EPRS1: variants seen among roughly 807,000 people sequenced by gnomAD.
The protein encoded by EPRS1 is bifunctional glutamate/proline--tRNA ligase.
A neutral mutation model predicts 188.3 loss-of-function variants in EPRS1; 107 were observed. That is an observed-to-expected ratio of 0.57 (90% CI 0.49 to 0.67). The LOEUF (loss-of-function observed/expected upper bound fraction) is 0.67, where lower values mean the gene tolerates loss of function less well. Ranked by LOEUF, EPRS1 falls within the 30% of genes least tolerant of loss-of-function variation. The pLI is 0.00. For missense variants in EPRS1, 1,577 were observed against 1,802.2 expected (o/e 0.88, Z 2.26); for synonymous variants, 596 against 593.1 (o/e 1.00, Z -0.07).
intron 26 of EPRS1, among the ~76,000 whole-genome samples, 178 bp downstream of exon 26, chr1:219,979,907 T>C (rs1309512702): frequency 6.6e-6 from 1 of 152,202 alleles, no homozygotes; most frequent in Non-Finnish European, 1.5e-5. Flanking sequence ...ATACATACTA[T>C]GACTTAACGA....
intron 28 of EPRS1, among the ~76,000 whole-genome samples, chr1:219,976,998 C>T (rs945427473): frequency 1.3e-5 from 2 of 152,134 alleles, no homozygotes; most frequent in Non-Finnish European, 2.9e-5. Flanking sequence ...AGAAGAATTA[C>T]AGGAGTTGCT....
At chr1:220,032,080 T>C (rs1324123413) in intron 5 of EPRS1, among the ~76,000 whole-genome samples, 2 of 151,090 alleles carry the variant, frequency 1.3e-5, no homozygotes, top group Admixed American at 6.6e-5. Context: ...TGAAATGTCA[T>C]CTTTTTTTTT....
chr1:219,980,983 T>G, intron 24 of EPRS1, 126 bp from the exon 25 acceptor site: 3 of 621,080 alleles, frequency 4.8e-6, no homozygotes, highest in Non-Finnish European at 8.7e-6. Flanking sequence ...CACTGAAACC[T>G]CTGCCTCCCA....
At chr1:220,043,163 T>C (rs1485148063) in intron 1 of EPRS1, among the ~76,000 whole-genome samples, 1 of 152,074 alleles carries the variant, frequency 6.6e-6, no homozygotes. Flanking sequence ...GAGAGGACTT[T>C]CTGAAGTAAT....
chr1:220,030,854 G>A (rs1302416821), intron 5 of EPRS1, among the ~76,000 whole-genome samples: 1 of 152,158 alleles, frequency 6.6e-6, no homozygotes, highest in Admixed American at 6.5e-5. Context: ...CACTTTGGGA[G>A]GCCGAGGATG....
intron 18 of EPRS1, among the ~76,000 whole-genome samples, chr1:219,993,716 G>C (rs1003548832): frequency 6.6e-6 from 1 of 152,198 alleles, no homozygotes; most frequent in African/African-American, 2.4e-5. Context: ...TGATAAGCTA[G>C]TAAAACTATA....
chr1:219,978,259 T>C, intron 28 of EPRS1, among the ~76,000 whole-genome samples: 1 of 152,172 alleles, frequency 6.6e-6, no homozygotes. Flanking sequence ...GCATAAACAT[T>C]TTAGTATACT....
At position 220,028,019 on chromosome 1, in the gene EPRS1, T is replaced by C. The variant is rs1000050882; in HGVS notation, c.623+2367A>G. Among the ~76,000 whole-genome samples the C allele has an allele frequency of 2.0e-5, 3 of 152,100 alleles. No individual in the cohort carries two copies. The East Asian group carries it at 5.8e-4, about 29-fold the overall frequency. On this transcript the variant is annotated intron_variant, in intron 6 of 31. Transcript: ENST00000366923. ...AAATGTACCATAATAATGTAAAATG[T>C]TAATGTTAGGAAAAACTGGGTGCAG...
At chr1:220,022,270 G>C in intron 9 of EPRS1, 77 bp downstream of exon 9, 5 of 1,274,540 alleles carry the variant, frequency 3.9e-6, no homozygotes, top group Non-Finnish European at 5.5e-6. Flanking sequence ...TGACTATTTT[G>C]CTTGTACTCC....
At chr1:220,017,795 TA>T (rs879843325) in intron 12 of EPRS1, among the ~76,000 whole-genome samples, 305 of 141,720 alleles carry the variant, frequency 2.2e-3, no homozygotes, top group African/African-American at 3.3e-3. Context: ...AAGAAACAGT[TA>T]AAAAAAAAAA....
chr1:220,026,972 G>A (rs1301698669), intron 6 of EPRS1, among the ~76,000 whole-genome samples: 2 of 152,030 alleles, frequency 1.3e-5, no homozygotes, highest in Non-Finnish European at 2.9e-5. Flanking sequence ...AAAGTCATTA[G>A]CATCCCAGAT....
intron 1 of EPRS1, among the ~76,000 whole-genome samples, chr1:220,042,694 G>T (rs1662319427): frequency 6.6e-6 from 1 of 151,924 alleles, no homozygotes; most frequent in Admixed American, 6.6e-5. Context: ...GGCTGAGGGG[G>T]GCGGATCATG....
intron 1 of EPRS1, among the ~76,000 whole-genome samples, chr1:220,044,763 C>T (rs554043619): frequency 6.7e-6 from 1 of 148,854 alleles, no homozygotes; most frequent in African/African-American, 2.5e-5. Context: ...GCAACCAATC[C>T]TATCTGGAAG....
intron 17 of EPRS1, among the ~76,000 whole-genome samples, chr1:219,998,792 C>T (rs562100740): frequency 3.6e-4 from 54 of 152,006 alleles, no homozygotes; most frequent in African/African-American, 8.4e-4. Context: ...CTGTCCACCT[C>T]GGCCTCCCAA....
At chr1:219,984,963 G>C (rs182347579) in intron 20 of EPRS1, among the ~76,000 whole-genome samples, 5 of 151,150 alleles carry the variant, frequency 3.3e-5, no homozygotes, top group African/African-American at 4.9e-5. Flanking sequence ...TGAATCGCTT[G>C]AACCTGGGAG....
At chr1:220,015,193 AG>A (rs1661678152) in intron 12 of EPRS1, among the ~76,000 whole-genome samples, 1 of 152,180 alleles carries the variant, frequency 6.6e-6, no homozygotes, top group African/African-American at 2.4e-5. Flanking sequence ...AGCCGGGCAC[AG>A]TGGCACACAC....
chr1:219,998,683 C>T (rs2102575215), intron 17 of EPRS1, among the ~76,000 whole-genome samples: 1 of 151,720 alleles, frequency 6.6e-6, no homozygotes, highest in Admixed American at 6.6e-5. Context: ...GCTGGGATTA[C>T]AGGCCTGCAC....
rs771704203 is a variant in EPRS1, at chr1:219,988,830, T to C, written c.2542-7A>G. The C allele has an allele frequency of 8.4e-6, 13 of 1,540,104 alleles. No individual in the cohort carries two copies. The highest frequency in any genetic ancestry group is 2.6e-6 in the Non-Finnish European group (3 of 1,133,152). On this transcript the variant is annotated splice_region_variant and splice_polypyrimidine_tract_variant and intron_variant, in intron 18 of 31. Transcript: ENST00000366923. ...CAGCTTCATTTATTTTAGCCTAAAA[T>C]AAAAGAGAGAAAGAGATATTTATAA...
Position 219,988,735 on chromosome 1 carries a change from G to T in EPRS1, c.2630C>A (p.Pro877His). 6.2e-7 allele frequency: 1 copy of T among 1,613,778 alleles called. No homozygotes were observed. Among genetic ancestry groups the T allele is most frequent in the Non-Finnish European group, 8.5e-7 (1 of 1,179,794 alleles). The change falls in exon 19 of 32, where the codon CCC becomes CAC. Residue 877 changes from proline (P) to histidine (H), a missense_variant. This residue lies in a region of EPRS1 where 1,278 missense variants were observed against 1,457.4 expected (regional missense o/e 0.88). Coordinates refer to ENST00000366923, the MANE Select transcript of EPRS1 (RefSeq NM_004446.3). ...KTGKEYIPGQ[P>H]PLSQSSDSSP... ...TGAATCCGAACTTTGAGATAATGGG[G>T]GCTGACCAGGTATGTACTCCTTCCC...
Sources: gnomAD v4.1 joint callset for allele counts (sites outside exome capture counted in the v4.1 genomes callset) on GRCh38, gnomAD v4.1.1 for gene constraint, gnomAD v4.1.1 regional missense constraint, MANE v1.5 for transcripts, NCBI Gene and HGNC (gene_info 2026-07-23, HGNC 2026-07-21) for gene names.